RBM47: variants seen among roughly 807,000 people sequenced by gnomAD.
The protein encoded by RBM47 is RNA binding motif protein 47.
A neutral mutation model predicts 47.1 loss-of-function variants in RBM47; 21 were observed. The observed-to-expected ratio is 0.45, with a 90% CI of 0.32 to 0.64. RBM47 has a LOEUF of 0.64. Among genes scored for constraint, RBM47 ranks in the 30% least tolerant of loss-of-function variants. The pLI, the probability that RBM47 is intolerant of heterozygous loss-of-function variation, is 0.05. For synonymous variants in RBM47, 375 were observed against 361.7 expected (o/e 1.04, Z -0.42); for missense variants, 708 against 870.9 (o/e 0.81, Z 2.35).
At chr4:40,586,907 G>T (rs1733642704) in intron 1 of RBM47, among the ~76,000 whole-genome samples, 1 of 152,134 alleles carries the variant, frequency 6.6e-6, no homozygotes, top group African/African-American at 2.4e-5. Context: ...GCAGGCAGCT[G>T]CCAAGCATTT....
chr4:40,523,732 G>A (rs1429456688), intron 2 of RBM47, among the ~76,000 whole-genome samples: 1 of 151,890 alleles, frequency 6.6e-6, no homozygotes, highest in Non-Finnish European at 1.5e-5. Flanking sequence ...AGGCATAGTG[G>A]CATGCACCTG....
chr4:40,463,955 G>A (rs900300955), intron 3 of RBM47, among the ~76,000 whole-genome samples: 1 of 152,000 alleles, frequency 6.6e-6, no homozygotes, highest in African/African-American at 2.4e-5. Flanking sequence ...GAAAGAGTTG[G>A]ACAATATCAA....
chr4:40,586,818 A>G (rs763094055), intron 1 of RBM47, among the ~76,000 whole-genome samples: 2 of 151,948 alleles, frequency 1.3e-5, no homozygotes, highest in Non-Finnish European at 2.9e-5. Flanking sequence ...TATAGAAGAC[A>G]GTGCACACAG....
intron 1 of RBM47, among the ~76,000 whole-genome samples, chr4:40,615,878 C>T (rs1005997451): frequency 6.6e-6 from 1 of 152,192 alleles, no homozygotes; most frequent in Non-Finnish European, 1.5e-5. Flanking sequence ...ACCACACCAT[C>T]TGTGGCTCAA....
chr4:40,530,527 T>C (rs1365319335), intron 2 of RBM47, among the ~76,000 whole-genome samples: 1 of 151,810 alleles, frequency 6.6e-6, no homozygotes, highest in Non-Finnish European at 1.5e-5. Context: ...GGTCTTGAAC[T>C]CCTGACCTGT....
chr4:40,531,557 G>C (rs917827059), intron 2 of RBM47, among the ~76,000 whole-genome samples: 9 of 152,098 alleles, frequency 5.9e-5, no homozygotes, highest in Non-Finnish European at 1.0e-4. Flanking sequence ...ATTTTAGAAA[G>C]GCAACTCTGA....
At position 40,627,464 on chromosome 4, in the gene RBM47, A is replaced by G. The variant is rs1381872905; in HGVS notation, c.-240+1932T>C. Among the ~76,000 whole-genome samples, 5 of 152,178 alleles carry G rather than the reference A, an allele frequency of 3.3e-5. No individual in the cohort carries two copies. The East Asian group carries it at 7.7e-4, about 23-fold the overall frequency. ...CCCTGACCTTTTCTGAAAAATCAAG[A>G]GACTTAAGATGTGGAGGCGGAAACT... On this transcript the variant is annotated intron_variant, in intron 1 of 6. Coordinates refer to ENST00000295971, the MANE Select transcript of RBM47 (RefSeq NM_001098634.2).
chr4:40,434,001 G>GGC (rs1553876878), intron 5 of RBM47, among the ~76,000 whole-genome samples: 1 of 62,118 alleles, frequency 1.6e-5, no homozygotes, highest in Non-Finnish European at 3.9e-5. Context: ...TGTGGGGCGG[G>GGC]GGTGTGTGTG....
intron 2 of RBM47, among the ~76,000 whole-genome samples, chr4:40,520,733 C>A (rs191608969): frequency 1.4e-3 from 217 of 152,298 alleles, no homozygotes; most frequent in African/African-American, 5.1e-3. Context: ...AACTGCTCAT[C>A]ACCTAGCCAA....
At chr4:40,566,628 G>C (rs1405895431) in intron 1 of RBM47, among the ~76,000 whole-genome samples, 3 of 152,048 alleles carry the variant, frequency 2.0e-5, no homozygotes, top group African/African-American at 7.2e-5. Flanking sequence ...CTGGGCGACA[G>C]AGCGAGACTC....
At chr4:40,430,550 G>A (rs972157373) in intron 6 of RBM47, among the ~76,000 whole-genome samples, 1 of 152,204 alleles carries the variant, frequency 6.6e-6, no homozygotes, top group Non-Finnish European at 1.5e-5. Context: ...GAGATCCCAA[G>A]TTAAAGAATA....
At chr4:40,518,906 A>C (rs1020621323) in intron 2 of RBM47, among the ~76,000 whole-genome samples, 3 of 152,100 alleles carry the variant, frequency 2.0e-5, no homozygotes, top group African/African-American at 7.2e-5. Context: ...GTCTAAATCA[A>C]GATCCAGCCC....
In RBM47 at chr4:40,469,423, C is replaced by G. The variant is rs188517960; in HGVS notation, c.-154-2724G>C. Among the ~76,000 whole-genome samples the G allele has an allele frequency of 3.4e-3, 494 of 145,104 alleles. 4 individuals are homozygous for G. Among genetic ancestry groups the G allele is most frequent in the African/African-American group, 0.012 (471 of 39,448 alleles). On this transcript the variant is annotated intron_variant, in intron 2 of 6. Coordinates refer to ENST00000295971, the MANE Select transcript of RBM47 (RefSeq NM_001098634.2). ...TTTCCAGAATAACTCCAAACACAAT[C>G]CATTCCATAATTTTTTTTTTTTTTT...
At chr4:40,469,875 T>C (rs1560394863) in intron 2 of RBM47, among the ~76,000 whole-genome samples, 2 of 151,740 alleles carry the variant, frequency 1.3e-5, no homozygotes, top group Admixed American at 1.3e-4. Context: ...CCTCAAGCGA[T>C]CTGCTGGCCT....
intron 1 of RBM47, among the ~76,000 whole-genome samples, chr4:40,586,498 G>A (rs1157645489): frequency 2.6e-5 from 4 of 151,392 alleles, no homozygotes; most frequent in African/African-American, 7.3e-5. Context: ...GGCTGTTGCA[G>A]GGAAATGGGA....
At chr4:40,623,614 G>A (rs1737466557) in intron 1 of RBM47, among the ~76,000 whole-genome samples, 1 of 152,048 alleles carries the variant, frequency 6.6e-6, no homozygotes, top group Non-Finnish European at 1.5e-5. Context: ...GTCATCCAGC[G>A]ACGCTCCTGC....
At chr4:40,526,140 C>T (rs944453885) in intron 2 of RBM47, among the ~76,000 whole-genome samples, 6 of 152,200 alleles carry the variant, frequency 3.9e-5, no homozygotes, top group African/African-American at 1.4e-4. Flanking sequence ...AAGGAGGACA[C>T]AGCCAGAAAC....
chr4:40,593,448 C>A (rs540929837), intron 1 of RBM47, among the ~76,000 whole-genome samples: 14 of 152,230 alleles, frequency 9.2e-5, no homozygotes, highest in African/African-American at 3.4e-4. Context: ...CACTGATACA[C>A]CTGTACATCC....
At chr4:40,537,287 T>TTC (rs1728079968) in intron 2 of RBM47, among the ~76,000 whole-genome samples, 1 of 151,496 alleles carries the variant, frequency 6.6e-6, no homozygotes, top group Admixed American at 6.6e-5. Context: ...ATTTTTTTTT[T>TTC]CTTAAGACAG....
Sources: allele counts gnomAD v4.1 joint callset (sites outside exome capture counted in the v4.1 genomes callset), GRCh38; gene constraint gnomAD v4.1.1; transcripts MANE v1.5; gene names NCBI Gene and HGNC (gene_info 2026-07-23, HGNC 2026-07-21).